The following CSMD3 variants were observed in gnomAD, a reference collection of about 807,000 sequenced individuals.
CSMD3 encodes CUB and Sushi multiple domains 3.
CSMD3 carries 177 observed loss-of-function variants against 435.2 expected under a neutral mutation model. The observed-to-expected ratio is 0.41, with a 90% CI of 0.36 to 0.46. The LOEUF is 0.46. Among genes scored for constraint, CSMD3 ranks in the 20% least tolerant of loss-of-function variants. The pLI, the probability that CSMD3 is intolerant of heterozygous loss-of-function variation, is 0.34. For missense variants in CSMD3, 4,265 were observed against 4,504.6 expected, an observed-to-expected ratio of 0.95 and a Z score of 1.52; for synonymous variants, 1,656 against 1,520.5, an observed-to-expected ratio of 1.09 and a Z score of -2.07.
intron 13 of CSMD3, among the ~76,000 whole-genome samples, chr8:112,702,158 A>G (rs1401622494): frequency 6.6e-6 from 1 of 152,092 alleles, no homozygotes; most frequent in Non-Finnish European, 1.5e-5. Context: ...AGGCTCTTAC[A>G]TTTAATCCTG....
At chr8:112,367,218 C>T (rs1226638594) in intron 38 of CSMD3, among the ~76,000 whole-genome samples, 3 of 152,072 alleles carry the variant, frequency 2.0e-5, no homozygotes, top group African/African-American at 7.2e-5. Context: ...GCACTATATT[C>T]ACCGTCCATA....
Position 112,313,970 on chromosome 8 carries a change from T to G in CSMD3, c.7632A>C (p.Glu2544Asp). 6.2e-7 allele frequency: 1 copy of G among 1,611,800 alleles called. No individual in the cohort carries two copies. Among genetic ancestry groups the G allele is most frequent in the Non-Finnish European group, 8.5e-7 (1 of 1,178,136 alleles). Reference sequence around the variant, plus strand: ...GATCTGCTGACCACTGAAGAAATACTTCATGACCATTGCTTGTTATATTAA... The same window carrying G: ...GATCTGCTGACCACTGAAGAAATACGTCATGACCATTGCTTGTTATATTAA... ...SAFNITSNGH[E>D]VFLQWSADHG... Residue 2544 changes from glutamate (E) to aspartate (D), a missense_variant, in exon 49 of 71, where the codon GAA (glutamate) becomes GAC (aspartate). Coordinates refer to ENST00000297405, the MANE Select transcript of CSMD3 (RefSeq NM_198123.2).
intron 32 of CSMD3, among the ~76,000 whole-genome samples, chr8:112,461,245 T>A (rs1029571464): frequency 7.9e-5 from 12 of 152,162 alleles, no homozygotes; most frequent in Non-Finnish European, 1.8e-4. Context: ...ACTCCGCCTG[T>A]GGCATGCTGT....
intron 1 of CSMD3, among the ~76,000 whole-genome samples, chr8:113,410,328 C>T (rs1006904715): frequency 2.6e-5 from 4 of 152,150 alleles, no homozygotes; most frequent in African/African-American, 9.7e-5. Context: ...TCCTTAATTC[C>T]TTGCTAATTG....
intron 22 of CSMD3, among the ~76,000 whole-genome samples, chr8:112,605,766 T>G (rs968713016): frequency 2.0e-5 from 3 of 152,174 alleles, no homozygotes; most frequent in Admixed American, 6.5e-5. Context: ...AACCTGCACA[T>G]GTACCCCCTG....
At chr8:113,093,865 CTA>C (rs1163884096) in intron 5 of CSMD3, among the ~76,000 whole-genome samples, 1 of 152,076 alleles carries the variant, frequency 6.6e-6, no homozygotes, top group South Asian at 2.1e-4. Flanking sequence ...CATAGATTTT[CTA>C]TGTTATATAA....
At chr8:112,412,272 A>G (rs1173519035) in intron 32 of CSMD3, among the ~76,000 whole-genome samples, 1 of 152,064 alleles carries the variant, frequency 6.6e-6, no homozygotes, top group Non-Finnish European at 1.5e-5. Context: ...TGGTGCCTCA[A>G]TCCAATGGGT....
chr8:113,095,743 A>G (rs1167840982), intron 5 of CSMD3, among the ~76,000 whole-genome samples: 2 of 152,198 alleles, frequency 1.3e-5, no homozygotes, highest in African/African-American at 2.4e-5. Flanking sequence ...CATTTGCATT[A>G]TATTAGGTAT....
chr8:112,562,820 C>A (rs1375674520), intron 24 of CSMD3, among the ~76,000 whole-genome samples: 1 of 151,546 alleles, frequency 6.6e-6, no homozygotes, highest in African/African-American at 2.4e-5. Flanking sequence ...TTTATATCAA[C>A]TTTTATATCA....
At chr8:113,334,252 A>G (rs1309380228) in intron 1 of CSMD3, among the ~76,000 whole-genome samples, 1 of 147,734 alleles carries the variant, frequency 6.8e-6, no homozygotes, top group Non-Finnish European at 1.5e-5. Context: ...GCCACTTACA[A>G]TATCTGCAAC....
chr8:112,417,516 T>C (rs763350937), intron 32 of CSMD3, among the ~76,000 whole-genome samples: 6 of 152,172 alleles, frequency 3.9e-5, no homozygotes, highest in Non-Finnish European at 5.9e-5. Context: ...AAAATTTAAT[T>C]GAACTTTTAT....
chr8:112,903,151 C>CAAAAAAAAAAAAAAA (rs763330055), intron 10 of CSMD3, among the ~76,000 whole-genome samples: 94 of 53,730 alleles, frequency 1.7e-3, no homozygotes, highest in Non-Finnish European at 2.0e-3. Context: ...GCAGTCTTGG[C>CAAAAAAAAAAAAAAA]AAAAAAAAAA....
intron 10 of CSMD3, among the ~76,000 whole-genome samples, chr8:112,860,221 T>C (rs2080787461): frequency 6.6e-6 from 1 of 151,782 alleles, no homozygotes; most frequent in African/African-American, 2.4e-5. Flanking sequence ...GTGTCTTTCT[T>C]GTATGTTACA....
intron 16 of CSMD3, 146 bp downstream of exon 16, chr8:112,682,296 C>T (rs567953649): frequency 3.2e-5 from 22 of 691,162 alleles, no homozygotes; most frequent in Non-Finnish European, 4.4e-5. Context: ...GTGTAATTTC[C>T]TTAACAAGAT....
At chr8:113,401,058 G>C (rs980307136) in intron 1 of CSMD3, among the ~76,000 whole-genome samples, 1 of 151,686 alleles carries the variant, frequency 6.6e-6, no homozygotes, top group Non-Finnish European at 1.5e-5. Context: ...TAACCATTTA[G>C]AGAAGAGCAG....
At chr8:112,403,331 A>G (rs1831494086) in intron 35 of CSMD3, among the ~76,000 whole-genome samples, 1 of 152,188 alleles carries the variant, frequency 6.6e-6, no homozygotes, top group Non-Finnish European at 1.5e-5. Context: ...GACTCAGTTT[A>G]TTCATCTGTA....
chr8:112,451,649 C>G (rs1043576043), intron 32 of CSMD3, among the ~76,000 whole-genome samples: 4 of 151,936 alleles, frequency 2.6e-5, no homozygotes, highest in Non-Finnish European at 4.4e-5. Flanking sequence ...AGCGATTGTC[C>G]TGCCTCAGCC....
chr8:112,321,723 C>T (rs1312793498), intron 45 of CSMD3, among the ~76,000 whole-genome samples: 1 of 152,114 alleles, frequency 6.6e-6, no homozygotes, highest in Non-Finnish European at 1.5e-5. Flanking sequence ...CTTCAAACAT[C>T]TTCCTTCCAG....
At chr8:112,308,683 G>T (rs1379063403) in intron 50 of CSMD3, among the ~76,000 whole-genome samples, 2 of 151,928 alleles carry the variant, frequency 1.3e-5, no homozygotes, top group African/African-American at 4.8e-5. Flanking sequence ...CATGAGGATT[G>T]TTCAATTTTT....
Sources: allele counts gnomAD v4.1 joint callset (sites outside exome capture counted in the v4.1 genomes callset), GRCh38; gene constraint gnomAD v4.1.1; transcripts MANE v1.5; gene names NCBI Gene and HGNC (gene_info 2026-07-23, HGNC 2026-07-21).